Variants in CCAR2 observed in about 807,000 individuals in gnomAD.
CCAR2 encodes cell cycle and apoptosis regulator protein 2.
In CCAR2, 21 loss-of-function variants were observed where a neutral mutation model predicts 108.1. That is an observed-to-expected ratio of 0.19 (90% confidence interval 0.14 to 0.28). The LOEUF (loss-of-function observed/expected upper bound fraction) is 0.28, where lower values mean the gene tolerates loss of function less well. CCAR2 is among the 10% of genes least tolerant of loss of function. CCAR2 has a pLI of 1.00. For missense variants in CCAR2, 1,126 were observed against 1,177.0 expected, an observed-to-expected ratio of 0.96 and a Z score of 0.63; for synonymous variants, 577 against 472.8, an observed-to-expected ratio of 1.22 and a Z score of -2.86.
intron 7 of CCAR2, among the ~76,000 whole-genome samples, chr8:22,611,096 C>A (rs1006612411): frequency 2.0e-5 from 3 of 151,804 alleles, no homozygotes; most frequent in African/African-American, 7.3e-5. Context: ...CGCGGTGGCT[C>A]ATGCCTGTAA....
chr8:22,610,920 C>G (rs1282391187), intron 7 of CCAR2, among the ~76,000 whole-genome samples: 2 of 152,232 alleles, frequency 1.3e-5, no homozygotes, highest in East Asian at 1.9e-4. Context: ...TTTTTCTCCT[C>G]AACTATTTTT....
rs886542057 is a variant in CCAR2, at chr8:22,613,123, T to C, written c.691T>C (p.Tyr231His). Residue 231 changes from tyrosine to histidine, a missense_variant, in exon 8 of 21, where the codon TAC (tyrosine) becomes CAC (histidine). Physicochemically the swap from Tyr to His is moderately conservative, Grantham distance 83. Around this residue, in one of 4 missense-constraint regions of CCAR2, gnomAD observed 1,013 missense variants for 993.9 expected, o/e 1.02. Transcript: ENST00000308511. Reference protein sequence around the residue: ...LPPYRVHLTPYTVDSPICDFL... With the variant: ...LPPYRVHLTPHTVDSPICDFL... ...TCCTTACCGGGTCCACCTCACTCCT[T>C]ACACTGTGGACAGGTGAGTGGCGAG... is the stretch of plus-strand genomic sequence containing the variant. The C allele has an allele frequency of 1.0e-5, 16 of 1,605,418 alleles. No individual in the cohort carries two copies. Among genetic ancestry groups the C allele is most frequent in the Non-Finnish European group, 1.3e-5 (15 of 1,176,498 alleles).
chr8:22,617,276 TA>T (rs1416247379), intron 14 of CCAR2, 143 bp from the exon 15 acceptor site: 1 of 954,926 alleles, frequency 1.0e-6, no homozygotes, highest in Non-Finnish European at 1.5e-6. Flanking sequence ...TTAATGAAAT[TA>T]AATACATGAA....
At chr8:22,608,858 A>G (rs758398604) in intron 7 of CCAR2, among the ~76,000 whole-genome samples, 1 of 152,150 alleles carries the variant, frequency 6.6e-6, no homozygotes, top group African/African-American at 2.4e-5. Flanking sequence ...GAGGAACCTT[A>G]TTATACCCAT....
chr8:22,607,212 C>T lies in CCAR2; in HGVS notation c.374C>T (p.Pro125Leu). The change falls in exon 6 of 21, where the codon CCA (proline) becomes CTA (leucine). Residue 125 changes from proline to leucine, a missense_variant. Pro to Leu is a moderately conservative substitution (Grantham distance 98, BLOSUM62 -3). Coordinates refer to ENST00000308511, the MANE Select transcript of CCAR2 (RefSeq NM_001393997.1). ...GTTCTGCAGCCCCTACTGAAGTCCC[C>T]AGCACCTCCTCTTCTGCATGTAGCA... The part of the protein sequence containing the change: ...TLSNQPLLKS[P>L]APPLLHVAAL... 1 of 1,614,050 alleles carries T rather than the reference C, an allele frequency of 6.2e-7. No individual in the cohort carries two copies.
downstream of CCAR2, chr8:22,620,615 C>G (rs1008392434): frequency 6.6e-6 from 1 of 152,202 alleles, no homozygotes; most frequent in Non-Finnish European, 1.5e-5. Flanking sequence ...CCCTGGCATG[C>G]TGGGCTGCCT....
Position 22,616,141 on chromosome 8 carries a change from AAGGAAGAAGCCACCAAGG to A in CCAR2, c.1751_1768del (p.Thr584_Ala589del), listed in dbSNP as rs761443167. 22 of 1,613,896 alleles carry A rather than the reference AAGGAAGAAGCCACCAAGG, an allele frequency of 1.4e-5. No individual in the cohort carries two copies. The highest frequency in any genetic ancestry group is 9.3e-5 in the African/African-American group (7 of 74,910). On this transcript the variant is annotated inframe_deletion, in exon 14 of 21. Transcript: ENST00000308511. Reference sequence around the variant, plus strand: ...TGAACCTGAGAAGGAGGAGGCGGCCAAGGAAGAAGCCACCAAGGAGGAAGAAGCCATCAAAGAGGAGGT... The same window carrying A: ...TGAACCTGAGAAGGAGGAGGCGGCCAAGGAAGAAGCCATCAAAGAGGAGGT...
At position 22,619,251 on chromosome 8, in the gene CCAR2, G is replaced by A. The variant is rs201248136; in HGVS notation, c.2623G>A (p.Ala875Thr). ...RVRLAEAEET[A>T]RTAERQKSQL... ...CCGGCTGGCGGAGGCCGAGGAGACC[G>A]CCCGGACGGCGGAGCGACAGAAGAG... The change falls in exon 20 of 21, where the codon GCC becomes ACC. Residue 875 changes from alanine to threonine, a missense_variant. Transcript: ENST00000308511. 1.2e-5 allele frequency: 19 copies of A among 1,566,184 alleles called. No homozygotes were observed. Among genetic ancestry groups the A allele is most frequent in the Non-Finnish European group, 1.4e-5 (16 of 1,156,178 alleles).
downstream of CCAR2, chr8:22,620,472 C>T (rs1357509986): frequency 8.6e-6 from 1 of 116,198 alleles, no homozygotes; most frequent in Non-Finnish European, 1.7e-5. Flanking sequence ...CAAAAACAAA[C>T]TGAGAGTGTG....
At chr8:22,621,012 AG>A (rs1801777328), downstream of CCAR2, 1 of 161,536 alleles carries the variant, frequency 6.2e-6, no homozygotes, top group Non-Finnish European at 1.4e-5. Context: ...TGAAGTGAAA[AG>A]GCAACGAGGG....
Position 22,604,801 on chromosome 8 carries a change from C to T in CCAR2, c.-80C>T, listed in dbSNP as rs981467632. The T allele has an allele frequency of 3.7e-5, 17 of 455,722 alleles. No individual in the cohort carries two copies. Among genetic ancestry groups the T allele is most frequent in the East Asian group, 2.8e-4 (4 of 14,376 alleles). 28.2% of individuals were successfully genotyped at this position (455,722 alleles called of 1,614,324 possible). Reference sequence around the variant, plus strand: ...GCGGCAGCAGCGGCTGTGGTGGTTCCGGGTGTCTTTGTCCCCCCGGTGTCG... The same window carrying T: ...GCGGCAGCAGCGGCTGTGGTGGTTCTGGGTGTCTTTGTCCCCCCGGTGTCG... On this transcript the variant is annotated 5_prime_UTR_variant, in exon 1 of 21. Transcript: ENST00000308511.
Position 22,606,642 on chromosome 8 carries a change from T to C in CCAR2, c.186T>C (p.Val62=), listed in dbSNP as rs184123605. The C allele has an allele frequency of 8.7e-5, 140 of 1,614,230 alleles. 1 individual carries two copies. The East Asian group carries it at 2.2e-3, about 26-fold the overall frequency. The part of the protein sequence containing the change: ...GEKQRVFTGI[V]TSLHDYFGVV... Reference sequence around the variant, plus strand: ...AACAGCGGGTCTTCACTGGTATTGTTACCAGCTTGCATGACTACTTTGGGG... The same window carrying C: ...AACAGCGGGTCTTCACTGGTATTGTCACCAGCTTGCATGACTACTTTGGGG... The change falls in exon 4 of 21, where the codon GTT becomes GTC. Residue 62 remains valine, a synonymous_variant. Transcript: ENST00000308511.
Position 22,619,254 on chromosome 8 carries a change from C to T in CCAR2, c.2626C>T (p.Arg876Trp), listed in dbSNP as rs201420827. ...GCTGGCGGAGGCCGAGGAGACCGCC[C>T]GGACGGCGGAGCGACAGAAGAGCCA... ...VRLAEAEETA[R>W]TAERQKSQLQ... The change falls in exon 20 of 21, where the codon CGG becomes TGG. Residue 876 changes from arginine to tryptophan, a missense_variant. Coordinates refer to ENST00000308511, the MANE Select transcript of CCAR2 (RefSeq NM_001393997.1). 9.3e-5 allele frequency: 146 copies of T among 1,565,362 alleles called. No homozygotes were observed. Among genetic ancestry groups the T allele is most frequent in the South Asian group, 7.1e-4 (61 of 85,546 alleles).
Position 22,620,121 on chromosome 8 carries a change from C to T in CCAR2, c.*439C>T, listed in dbSNP as rs555456287. 3.9e-5 allele frequency: 7 copies of T among 179,080 alleles called. No homozygotes were observed. Among genetic ancestry groups the T allele is most frequent in the Non-Finnish European group, 8.4e-5 (7 of 83,484 alleles). 11.1% of individuals were successfully genotyped at this position (179,080 alleles called of 1,614,324 possible). On this transcript the variant is annotated 3_prime_UTR_variant, in exon 21 of 21. Transcript: ENST00000308511. The stretch of plus-strand genomic sequence containing the variant: ...GCTGGGGCTAAGCAGCCCCCTCCTC[C>T]GGATGGCACAGGCTCTGCTAGGTTC...
chr8:22,618,755 C>A, intron 18 of CCAR2, 27 bp downstream of exon 18: 1 of 1,613,692 alleles, frequency 6.2e-7, no homozygotes, highest in South Asian at 1.1e-5. Flanking sequence ...TGCAGCCTTC[C>A]TGGGGCACGG....
At chr8:22,609,205 C>T (rs562743196) in intron 7 of CCAR2, among the ~76,000 whole-genome samples, 2 of 152,290 alleles carry the variant, frequency 1.3e-5, no homozygotes, top group East Asian at 3.9e-4. Flanking sequence ...TGTGCACCAC[C>T]ATGCTGGAGT....
rs981824568 is a variant in CCAR2 at position 22,617,548 on chromosome 8, T to C, written c.1974T>C (p.Asp658=). 6.2e-7 allele frequency: 1 copy of C among 1,600,142 alleles called. No individual in the cohort carries two copies. The highest frequency in any genetic ancestry group is 1.7e-5 in the Admixed American group (1 of 58,326). The part of the protein sequence containing the change: ...LDPELLLLRD[D]GEEEFAGAKL... Reference sequence around the variant, plus strand: ...CAGAACTGTTGCTTCTGAGGGATGATGGAGAGGAGGAGTTTGGTATGTTGA... The same window carrying C: ...CAGAACTGTTGCTTCTGAGGGATGACGGAGAGGAGGAGTTTGGTATGTTGA... The change falls in exon 15 of 21, where the codon GAT becomes GAC. Residue 658 remains aspartate (D), a synonymous_variant. Coordinates refer to ENST00000308511, the MANE Select transcript of CCAR2 (RefSeq NM_001393997.1).
In CCAR2 at chr8:22,615,696, T is replaced by C. The variant is rs767456364; in HGVS notation, c.1392T>C (p.Thr464=). 13 of 1,613,712 alleles carry C rather than the reference T, an allele frequency of 8.1e-6. No homozygotes were observed. The highest frequency in any genetic ancestry group is 1.1e-5 in the Non-Finnish European group (13 of 1,179,992). Residue 464 remains threonine, a synonymous_variant, in exon 13 of 21, where the codon ACT becomes ACC. Transcript: ENST00000308511. ...TGTTGTCACAGGAAACGGAGCCTAC[T>C]GAACAGGCACCTGATGCCTTGGAGC... The part of the protein sequence containing the change: ...TQEAQGETEP[T]EQAPDALEQA...
intron 10 of CCAR2, 93 bp from the exon 11 acceptor site, chr8:22,614,745 C>G: frequency 6.4e-7 from 1 of 1,553,886 alleles, no homozygotes; most frequent in Non-Finnish European, 8.8e-7. Context: ...CCACTTCCGG[C>G]TGCCTTCATC....
Sources: gnomAD v4.1 joint callset for allele counts (sites outside exome capture counted in the v4.1 genomes callset) on GRCh38, gnomAD v4.1.1 for gene constraint, gnomAD v4.1.1 regional missense constraint, MANE v1.5 for transcripts, NCBI Gene and HGNC (gene_info 2026-07-23, HGNC 2026-07-21) for gene names.